Variants in RAP1GDS1 observed in about 807,000 individuals in gnomAD.
RAP1GDS1 encodes RAP1, GTP-GDP dissociation stimulator 1.
Under a neutral mutation model 71.1 loss-of-function variants are expected in RAP1GDS1, and 35 were observed. The ratio of observed to expected loss-of-function variants is 0.49; its 90% CI spans 0.38 to 0.65. RAP1GDS1 has a LOEUF of 0.65. Among genes scored for constraint, RAP1GDS1 ranks in the 30% least tolerant of loss-of-function variants. The pLI is 0.00. For missense variants in RAP1GDS1, 663 were observed against 706.1 expected (o/e 0.94, Z 0.69); for synonymous variants, 229 against 243.1 (o/e 0.94, Z 0.54).
intron 1 of RAP1GDS1, among the ~76,000 whole-genome samples, chr4:98,284,266 T>A (rs904926431): frequency 2.0e-5 from 3 of 152,118 alleles, no homozygotes; most frequent in African/African-American, 7.2e-5. Context: ...GGGCACGTAA[T>A]GCAGTTTGTT....
chr4:98,343,725 A>G (rs1420059389), intron 3 of RAP1GDS1, among the ~76,000 whole-genome samples: 1 of 152,194 alleles, frequency 6.6e-6, no homozygotes, highest in Admixed American at 6.5e-5. Flanking sequence ...CACTCACCAT[A>G]TATTTCTTAA....
chr4:98,308,527 A>C (rs772505729), intron 2 of RAP1GDS1, among the ~76,000 whole-genome samples: 3 of 149,494 alleles, frequency 2.0e-5, no homozygotes, highest in Non-Finnish European at 3.0e-5. Context: ...TTAAACCACA[A>C]ATTTTTTGCC....
chr4:98,311,471 C>G (rs1730212453), intron 2 of RAP1GDS1, among the ~76,000 whole-genome samples: 1 of 152,122 alleles, frequency 6.6e-6, no homozygotes, highest in Non-Finnish European at 1.5e-5. Flanking sequence ...ACATTCTAAA[C>G]AAAGGAGGGG....
chr4:98,334,502 G>A lies in RAP1GDS1; in HGVS notation c.113-8637G>A, dbSNP rs138117130. ...AGTCTGATTTGCTTGACTAGTCAGC[G>A]TAGCAGGGAAATCGTTTAGTGTGTT... On this transcript the variant is annotated intron_variant, in intron 2 of 14. Coordinates refer to ENST00000408927, the MANE Select transcript of RAP1GDS1 (RefSeq NM_001100427.2). 3.6e-3 allele frequency among the ~76,000 whole-genome samples: 551 copies of A among 152,248 alleles called. 14 individuals are homozygous for A. Among genetic ancestry groups the A allele is most frequent in the Admixed American group, 0.028 (429 of 15,280 alleles).
At chr4:98,335,463 T>G (rs1203188592) in intron 2 of RAP1GDS1, among the ~76,000 whole-genome samples, 1 of 138,958 alleles carries the variant, frequency 7.2e-6, no homozygotes, top group East Asian at 1.9e-4. Flanking sequence ...CTATTAGGGT[T>G]GTTTGTTTGT....
At chr4:98,420,585 C>T (rs183070547) in intron 11 of RAP1GDS1, among the ~76,000 whole-genome samples, 12 of 152,252 alleles carry the variant, frequency 7.9e-5, no homozygotes, top group Admixed American at 2.0e-4. Flanking sequence ...TGCTCTTGAA[C>T]TCCTGGCCTC....
intron 4 of RAP1GDS1, among the ~76,000 whole-genome samples, chr4:98,367,593 G>A (rs765020998): frequency 1.3e-5 from 2 of 152,198 alleles, no homozygotes; most frequent in South Asian, 4.1e-4. Flanking sequence ...CAGGATGGGG[G>A]CTATACCCTG....
intron 1 of RAP1GDS1, among the ~76,000 whole-genome samples, chr4:98,273,302 T>G (rs910338800): frequency 3.3e-5 from 5 of 152,146 alleles, no homozygotes; most frequent in Non-Finnish European, 7.4e-5. Flanking sequence ...CACATTTATT[T>G]AAGAATGTAT....
chr4:98,417,355 A>G lies in RAP1GDS1; in HGVS notation c.908-12A>G. ...TTTCTCTTGCTTAACTATTCGTTTC[A>G]TTTACCTCCAGATGAATCCATGCAG... is the stretch of plus-strand genomic sequence containing the variant. On this transcript the variant is annotated splice_polypyrimidine_tract_variant and intron_variant, in intron 8 of 14. Coordinates refer to ENST00000408927, the MANE Select transcript of RAP1GDS1 (RefSeq NM_001100427.2). 3 of 1,602,064 alleles carry G rather than the reference A, an allele frequency of 1.9e-6. No homozygotes were observed. The highest frequency in any genetic ancestry group is 2.6e-6 in the Non-Finnish European group (3 of 1,173,550).
chr4:98,300,238 G>A (rs1728377134), intron 2 of RAP1GDS1, among the ~76,000 whole-genome samples: 1 of 152,166 alleles, frequency 6.6e-6, no homozygotes, highest in Admixed American at 6.5e-5. Flanking sequence ...ATTCAGCATT[G>A]AGGAAAGATC....
At chr4:98,342,188 A>G (rs932660781) in intron 2 of RAP1GDS1, among the ~76,000 whole-genome samples, 4 of 152,116 alleles carry the variant, frequency 2.6e-5, no homozygotes, top group African/African-American at 9.7e-5. Context: ...ATAAAAAATG[A>G]TTTTCCTCCT....
chr4:98,340,522 C>A (rs1273845167), intron 2 of RAP1GDS1, among the ~76,000 whole-genome samples: 1 of 151,978 alleles, frequency 6.6e-6, no homozygotes, highest in Non-Finnish European at 1.5e-5. Context: ...TCACTTGAGG[C>A]AGATCACTTG....
intron 1 of RAP1GDS1, among the ~76,000 whole-genome samples, chr4:98,269,089 C>T (rs1723087035): frequency 7.0e-6 from 1 of 142,906 alleles, no homozygotes; most frequent in South Asian, 2.2e-4. Context: ...CAGTATGGTA[C>T]TGGCATAAAA....
chr4:98,435,602 C>T (rs1479104129), intron 13 of RAP1GDS1, among the ~76,000 whole-genome samples: 1 of 152,048 alleles, frequency 6.6e-6, no homozygotes, highest in South Asian at 2.1e-4. Flanking sequence ...GAAGAAAATC[C>T]AGGTATAATT....
intron 4 of RAP1GDS1, among the ~76,000 whole-genome samples, chr4:98,370,854 A>G (rs1740271589): frequency 6.6e-6 from 1 of 152,146 alleles, no homozygotes; most frequent in Non-Finnish European, 1.5e-5. Context: ...TACAGGTGTG[A>G]GCCATCGCGC....
intron 3 of RAP1GDS1, 112 bp from the exon 4 acceptor site, chr4:98,352,364 G>T: frequency 8.8e-7 from 1 of 1,137,754 alleles, no homozygotes. Flanking sequence ...ACCTTTTCAA[G>T]GTGGCTTTTA....
At position 98,420,007 on chromosome 4, in the gene RAP1GDS1, C is replaced by T. The variant is rs2110190489; in HGVS notation, c.1175-12C>T. The T allele has an allele frequency of 6.3e-7, 1 of 1,584,180 alleles. No individual in the cohort carries two copies. Among genetic ancestry groups the T allele is most frequent in the East Asian group, 2.3e-5 (1 of 44,018 alleles). On this transcript the variant is annotated splice_polypyrimidine_tract_variant and intron_variant, in intron 10 of 14. Coordinates refer to ENST00000408927, the MANE Select transcript of RAP1GDS1 (RefSeq NM_001100427.2). ...TAATACCATTTTAACCATAGTCTCTCTTTTTCTCCAGTTATAAATAAAGCA... is the reference window on the plus strand; with the variant it reads ...TAATACCATTTTAACCATAGTCTCTTTTTTTCTCCAGTTATAAATAAAGCA...
rs78336153 is a variant in RAP1GDS1, at chr4:98,391,181, G to A, written c.509-771G>A. Among the ~76,000 whole-genome samples, 1,138 of 152,104 alleles carry A rather than the reference G, an allele frequency of 7.5e-3. 15 individuals carry two copies. Among genetic ancestry groups the A allele is most frequent in the African/African-American group, 0.026 (1,073 of 41,508 alleles). On this transcript the variant is annotated intron_variant, in intron 5 of 14. Coordinates refer to ENST00000408927, the MANE Select transcript of RAP1GDS1 (RefSeq NM_001100427.2). ...CAGGTATTCTATTATTATTGTCCATGAAGAACCCTTGTGGAAATCCAAGGC... is the reference window on the plus strand; with the variant it reads ...CAGGTATTCTATTATTATTGTCCATAAAGAACCCTTGTGGAAATCCAAGGC...
chr4:98,265,659 A>G (rs991304186), intron 1 of RAP1GDS1, among the ~76,000 whole-genome samples: 4 of 152,190 alleles, frequency 2.6e-5, no homozygotes, highest in Non-Finnish European at 5.9e-5. Flanking sequence ...GTTCATGGTA[A>G]GAATCTTGAG....
Sources: gnomAD v4.1 joint callset for allele counts (sites outside exome capture counted in the v4.1 genomes callset) on GRCh38, gnomAD v4.1.1 for gene constraint, MANE v1.5 for transcripts, NCBI Gene and HGNC (gene_info 2026-07-23, HGNC 2026-07-21) for gene names.